PXN: variants seen among roughly 807,000 people sequenced by gnomAD.
PXN encodes testicular tissue protein Li 134.
In PXN, 61 loss-of-function variants were observed where a neutral mutation model predicts 103.6. That is an observed-to-expected ratio of 0.59 (90% confidence interval 0.48 to 0.73). The LOEUF (loss-of-function observed/expected upper bound fraction) is 0.73, where lower values mean the gene tolerates loss of function less well. Ranked by LOEUF, PXN falls within the 30% of genes least tolerant of loss-of-function variation. PXN has a pLI of 0.00. For synonymous variants in PXN, 562 were observed against 607.8 expected (o/e 0.92, Z 1.11); for missense variants, 1,274 against 1,460.3 (o/e 0.87, Z 2.08).
Position 120,228,678 on chromosome 12 carries a change from T to G in PXN, c.14-4301A>C. On this transcript the variant is annotated intron_variant, in intron 1 of 14. Transcript: ENST00000637617. This position sits in a 1 kb window ranked among gnomAD's most constrained non-coding sequence, Gnocchi z 4.7. ...GAGCTGGAGGAACACAGCAAGCTAG[T>G]GGGAGGAACACAGGTAGCCTGGTAT... Among the ~76,000 whole-genome samples, 1 of 152,138 alleles carries G rather than the reference T, an allele frequency of 6.6e-6. No homozygotes were observed. The highest frequency in any genetic ancestry group is 6.5e-5 in the Admixed American group (1 of 15,274).
intron 1 of PXN, among the ~76,000 whole-genome samples, chr12:120,237,691 G>A (rs1293675783): frequency 1.3e-5 from 2 of 152,128 alleles, no homozygotes; most frequent in South Asian, 2.1e-4. Context: ...CTCCCTAGAA[G>A]TGTCTACCTC....
rs1476119637 is a variant in PXN at position 120,219,141 on chromosome 12, C to T, written c.1716+66G>A. On this transcript the variant is annotated intron_variant, in intron 7 of 14. Transcript: ENST00000637617. This position sits in a 1 kb window ranked among gnomAD's most constrained non-coding sequence, Gnocchi z 6.5. ...AGAGTGGGAGGCTGCATGCAGTTAG[C>T]GAGGAGCGGCCCACACTCAGACCCG... 7.8e-6 allele frequency: 11 copies of T among 1,410,690 alleles called. No individual in the cohort carries two copies. Among genetic ancestry groups the T allele is most frequent in the African/African-American group, 2.9e-5 (2 of 69,458 alleles). 87.4% of individuals were successfully genotyped at this position (1,410,690 alleles called of 1,614,324 possible).
intron 1 of PXN, among the ~76,000 whole-genome samples, chr12:120,234,549 G>A (rs1018895048): frequency 6.6e-5 from 10 of 152,168 alleles, no homozygotes; most frequent in African/African-American, 1.4e-4. Flanking sequence ...GTCTGCTGTC[G>A]TTGGGAGCTA....
At position 120,216,033 on chromosome 12, in the gene PXN, G is replaced by A. The variant is rs765208908; in HGVS notation, c.2301+240C>T. 6.8e-6 allele frequency: 9 copies of A among 1,320,850 alleles called. No homozygotes were observed. Among genetic ancestry groups the A allele is most frequent in the Non-Finnish European group, 8.7e-6 (9 of 1,036,876 alleles). The allele number at this position is 1,320,850 out of a possible 1,614,324, so 81.8% of individuals were successfully genotyped here. On this transcript the variant is annotated intron_variant, in intron 9 of 14. Coordinates refer to ENST00000637617, the MANE Select transcript of PXN (RefSeq NM_001385981.1). This position sits in a 1 kb window ranked among gnomAD's most constrained non-coding sequence, Gnocchi z 5.1. ...GAGCCCGGGGCAGTACTGAGGACCA[G>A]TCGAGGAAGGAGCAGACATGGGTGG...
At chr12:120,234,443 G>A (rs984960059) in intron 1 of PXN, among the ~76,000 whole-genome samples, 34 of 152,124 alleles carry the variant, frequency 2.2e-4, no homozygotes, top group Admixed American at 5.2e-4. Flanking sequence ...ATAAGATTTT[G>A]CTCTTGGGGA....
intron 1 of PXN, among the ~76,000 whole-genome samples, chr12:120,253,300 C>T (rs1892497808): frequency 6.6e-6 from 1 of 152,050 alleles, no homozygotes. Flanking sequence ...TGGTGAAACC[C>T]CGTCTCTACT....
chr12:120,224,273 A>G lies in PXN; in HGVS notation c.118T>C (p.Tyr40His). The change falls in exon 2 of 15, where the codon TAC becomes CAC. Residue 40 changes from tyrosine (Y) to histidine (H), a missense_variant. Tyr to His is a moderately conservative substitution (Grantham distance 83). Coordinates refer to ENST00000637617, the MANE Select transcript of PXN (RefSeq NM_001385981.1). This position sits in a 1 kb window ranked among gnomAD's most constrained non-coding sequence, Gnocchi z 5.0. ...PYSYPTGNHT[Y>H]QEIAVPPPVP... ...GGGGGTGGCACGGCAATCTCCTGGTATGTGTGGTTTCCAGTTGGGTATGAG... is the reference window on the plus strand; with the variant it reads ...GGGGGTGGCACGGCAATCTCCTGGTGTGTGTGGTTTCCAGTTGGGTATGAG... 8 of 1,613,710 alleles carry G rather than the reference A, an allele frequency of 5.0e-6. No homozygotes were observed. The highest frequency in any genetic ancestry group is 5.9e-6 in the Non-Finnish European group (7 of 1,179,658).
chr12:120,254,264 TG>T (rs1269352295), intron 1 of PXN, among the ~76,000 whole-genome samples: 1 of 152,114 alleles, frequency 6.6e-6, no homozygotes, highest in Non-Finnish European at 1.5e-5. Flanking sequence ...AAGTGGAGAA[TG>T]GGGAGACGTG....
chr12:120,224,699 G>C lies in PXN; in HGVS notation c.14-322C>G, dbSNP rs929783995. ...CCTCCTGACAGGGCCGCGCAGCCGC[G>C]AGTGAAGTGCCTGTCTGGAACTCTG... is the stretch of plus-strand genomic sequence containing the variant. On this transcript the variant is annotated intron_variant, in intron 1 of 14. Transcript: ENST00000637617. This position sits in a 1 kb window ranked among gnomAD's most constrained non-coding sequence, Gnocchi z 5.0. 1.7e-6 allele frequency: 1 copy of C among 593,124 alleles called. No individual in the cohort carries two copies. Among genetic ancestry groups the C allele is most frequent in the Non-Finnish European group, 3.2e-6 (1 of 315,464 alleles). 36.7% of individuals were successfully genotyped at this position (593,124 alleles called of 1,614,324 possible).
intron 1 of PXN, among the ~76,000 whole-genome samples, chr12:120,234,389 A>G (rs761643094): frequency 1.3e-5 from 2 of 152,130 alleles, no homozygotes; most frequent in Non-Finnish European, 2.9e-5. Context: ...AGCCTGGGCG[A>G]CAGAGTAAGA....
intron 1 of PXN, among the ~76,000 whole-genome samples, chr12:120,232,429 A>G (rs1888234433): frequency 6.6e-6 from 1 of 152,192 alleles, no homozygotes; most frequent in Admixed American, 6.5e-5. Context: ...CATTGGTCAG[A>G]TGTCATCCAC....
At chr12:120,247,943 A>G (rs1189671717) in intron 1 of PXN, among the ~76,000 whole-genome samples, 6 of 152,230 alleles carry the variant, frequency 3.9e-5, no homozygotes, top group African/African-American at 1.4e-4. Flanking sequence ...TGATGAGTCA[A>G]TTCATCATGA....
chr12:120,214,708 T>C lies in PXN; in HGVS notation c.2748+117A>G, dbSNP rs1160226830. 7.4e-7 allele frequency: 1 copy of C among 1,357,364 alleles called. No individual in the cohort carries two copies. 84.1% of individuals were successfully genotyped at this position (1,357,364 alleles called of 1,614,324 possible). A position where few individuals can be genotyped will look rare whatever the true frequency, so the allele number is the denominator to read the frequency against. On this transcript the variant is annotated intron_variant, in intron 12 of 14. Transcript: ENST00000637617. This position sits in a 1 kb window ranked among gnomAD's most constrained non-coding sequence, Gnocchi z 5.0. ...ATCCGGCCCCACTGTTCCCTAGCCC[T>C]GTGAGCCTCGGGCATGTGACCTCTC...
At chr12:120,247,777 G>A (rs1232886335) in intron 1 of PXN, 3 of 152,916 alleles carry the variant, frequency 2.0e-5, no homozygotes, top group Non-Finnish European at 1.5e-5. Flanking sequence ...CAAGGTTAAA[G>A]TCACCACTGC....
intron 1 of PXN, among the ~76,000 whole-genome samples, chr12:120,233,959 G>A (rs1888551544): frequency 6.6e-6 from 1 of 152,136 alleles, no homozygotes. Context: ...GGAAGCCAGG[G>A]GTACAGGAAG....
intron 7 of PXN, among the ~76,000 whole-genome samples, chr12:120,218,071 T>C (rs1217943420): frequency 2.1e-5 from 3 of 140,810 alleles, no homozygotes; most frequent in Non-Finnish European, 3.0e-5. Context: ...TTTGAGACAG[T>C]GTCTTGATCT....
rs1837063465 is a variant in PXN at position 120,214,712 on chromosome 12, A to G, written c.2748+113T>C. 7.3e-6 allele frequency: 10 copies of G among 1,375,772 alleles called. No individual in the cohort carries two copies. The highest frequency in any genetic ancestry group is 1.0e-5 in the Non-Finnish European group (10 of 996,972). The allele number at this position is 1,375,772 out of a possible 1,614,324, so 85.2% of individuals were successfully genotyped here. A position where few individuals can be genotyped will look rare whatever the true frequency, so the allele number is the denominator to read the frequency against. On this transcript the variant is annotated intron_variant, in intron 12 of 14. Coordinates refer to ENST00000637617, the MANE Select transcript of PXN (RefSeq NM_001385981.1). The surrounding 1 kb of genome is among the most constrained non-coding windows in gnomAD (Gnocchi z 5.0). Reference sequence around the variant, plus strand: ...GGCCCCACTGTTCCCTAGCCCTGTGAGCCTCGGGCATGTGACCTCTCTGAG... The same window carrying G: ...GGCCCCACTGTTCCCTAGCCCTGTGGGCCTCGGGCATGTGACCTCTCTGAG...
In PXN at chr12:120,265,441, G is replaced by A. The variant is rs547674551; in HGVS notation, c.13+176C>T. Among the ~76,000 whole-genome samples, 30 of 152,176 alleles carry A rather than the reference G, an allele frequency of 2.0e-4. 1 individual carries two copies. Among genetic ancestry groups the A allele is most frequent in the Admixed American group, 1.8e-3 (28 of 15,304 alleles). ...GTCGGTGCCGGGGCCGGCCTGGCCC[G>A]AGACTAAGGCCCGGTTAGGGATCCC... On this transcript the variant is annotated intron_variant, in intron 1 of 14. Transcript: ENST00000637617. This position sits in a 1 kb window ranked among gnomAD's most constrained non-coding sequence, Gnocchi z 5.7.
In PXN at chr12:120,220,162, C is replaced by G; in HGVS notation, c.832-71G>C. 1 of 654,144 alleles carries G rather than the reference C, an allele frequency of 1.5e-6. No homozygotes were observed. The highest frequency in any genetic ancestry group is 2.3e-5 in the South Asian group (1 of 43,092). The allele number at this position is 654,144 out of a possible 1,614,324, so 40.5% of individuals were successfully genotyped here. A position where few individuals can be genotyped will look rare whatever the true frequency, so the allele number is the denominator to read the frequency against. On this transcript the variant is annotated intron_variant, in intron 6 of 14. Coordinates refer to ENST00000637617, the MANE Select transcript of PXN (RefSeq NM_001385981.1). The surrounding 1 kb of genome is among the most constrained non-coding windows in gnomAD (Gnocchi z 6.1). Reference sequence around the variant, plus strand: ...GGGGAGTGAGGACGGCTGCACCTTGCAGGCGGTGGGCTCGGCCTTAGGGCT... The same window carrying G: ...GGGGAGTGAGGACGGCTGCACCTTGGAGGCGGTGGGCTCGGCCTTAGGGCT...
Sources: allele counts gnomAD v4.1 joint callset (sites outside exome capture counted in the v4.1 genomes callset), GRCh38; gene constraint gnomAD v4.1.1; non-coding constraint Gnocchi (gnomAD v3.1); transcripts MANE v1.5; gene names NCBI Gene and HGNC (gene_info 2026-07-23, HGNC 2026-07-21).